ASTN2: variants seen among roughly 807,000 people sequenced by gnomAD.
ASTN2 encodes astrotactin 2.
In ASTN2, 54 loss-of-function variants were observed where a neutral mutation model predicts 139.8. That is an observed-to-expected ratio of 0.39 (90% CI 0.31 to 0.48). The LOEUF (loss-of-function observed/expected upper bound fraction) is 0.48. ASTN2 is among the 20% of genes least tolerant of loss of function. ASTN2 has a pLI of 0.95. For synonymous variants in ASTN2, 756 were observed against 719.5 expected (o/e 1.05, Z -0.81); for missense variants, 1,565 against 1,725.1 (o/e 0.91, Z 1.64).
At chr9:117,361,044 C>T (rs1466916391) in intron 1 of ASTN2, among the ~76,000 whole-genome samples, 1 of 152,096 alleles carries the variant, frequency 6.6e-6, no homozygotes, top group African/African-American at 2.4e-5. Flanking sequence ...TTCTCAATCT[C>T]AGGGGGATTG....
chr9:117,213,151 G>A (rs1352400969), intron 3 of ASTN2, among the ~76,000 whole-genome samples: 1 of 152,070 alleles, frequency 6.6e-6, no homozygotes, highest in Non-Finnish European at 1.5e-5. Flanking sequence ...TGGAACTGAA[G>A]AACATTATAT....
At chr9:117,268,090 C>A (rs1833977590) in intron 2 of ASTN2, among the ~76,000 whole-genome samples, 1 of 152,202 alleles carries the variant, frequency 6.6e-6, no homozygotes, top group Admixed American at 6.5e-5. Context: ...TCTAAACTTA[C>A]TTTCATTACC....
chr9:117,166,001 A>T (rs916728129), intron 3 of ASTN2, among the ~76,000 whole-genome samples: 8 of 152,172 alleles, frequency 5.3e-5, no homozygotes, highest in Non-Finnish European at 1.0e-4. Context: ...AAACATAATC[A>T]TGGAGTAAAA....
intron 19 of ASTN2, among the ~76,000 whole-genome samples, chr9:116,501,055 C>T (rs894862375): frequency 1.2e-4 from 18 of 152,130 alleles, no homozygotes; most frequent in Non-Finnish European, 4.4e-5. Flanking sequence ...CACCTCAAAG[C>T]CTGCCATTAA....
intron 6 of ASTN2, among the ~76,000 whole-genome samples, chr9:117,009,660 T>A (rs1319517082): frequency 6.6e-6 from 1 of 152,198 alleles, no homozygotes; most frequent in Non-Finnish European, 1.5e-5. Context: ...ACTCAGCTTC[T>A]CTCCTTGTTT....
chr9:116,618,430 G>A lies in ASTN2; in HGVS notation c.3249C>T (p.Val1083=). The A allele has an allele frequency of 6.2e-7, 1 of 1,614,152 alleles. No individual in the cohort carries two copies. Among genetic ancestry groups the A allele is most frequent in the Non-Finnish European group, 8.5e-7 (1 of 1,179,994 alleles). ...SPTVEPSSTV[V]SLEWVDVQPA... Reference sequence around the variant, plus strand: ...GCTGAACATCCACCCACTCCAAGGAGACCACAGTACTGGAGGGCTCCACTG... The same window carrying A: ...GCTGAACATCCACCCACTCCAAGGAAACCACAGTACTGGAGGGCTCCACTG... Residue 1083 remains valine (V), a synonymous_variant, in exon 19 of 23, where the codon GTC becomes GTT. Coordinates refer to ENST00000313400, the MANE Select transcript of ASTN2 (RefSeq NM_001365068.1).
chr9:116,891,830 A>G (rs1833769794), intron 10 of ASTN2, among the ~76,000 whole-genome samples: 1 of 152,244 alleles, frequency 6.6e-6, no homozygotes, highest in South Asian at 2.1e-4. Context: ...AATAGGAATA[A>G]CAATACCATC....
chr9:116,665,863 G>A (rs1858831400), intron 16 of ASTN2, among the ~76,000 whole-genome samples: 1 of 151,972 alleles, frequency 6.6e-6, no homozygotes, highest in Admixed American at 6.6e-5. Context: ...CCAAAACCAA[G>A]AAACAAATAA....
At chr9:116,745,422 G>A (rs1437508069) in intron 13 of ASTN2, among the ~76,000 whole-genome samples, 2 of 152,100 alleles carry the variant, frequency 1.3e-5, no homozygotes, top group South Asian at 2.1e-4. Flanking sequence ...TCGTGGTGTC[G>A]TCTCCTTCAG....
intron 20 of ASTN2, among the ~76,000 whole-genome samples, chr9:116,483,435 G>A (rs1849237071): frequency 6.6e-6 from 1 of 152,058 alleles, no homozygotes; most frequent in African/African-American, 2.4e-5. Context: ...TGCCTTCCTA[G>A]GTGGTGTGGA....
intron 1 of ASTN2, among the ~76,000 whole-genome samples, chr9:117,346,031 A>G (rs1829205443): frequency 6.6e-6 from 1 of 151,714 alleles, no homozygotes; most frequent in Non-Finnish European, 1.5e-5. Context: ...AAAAAAGGAA[A>G]AGGAAAAATT....
At chr9:116,469,438 A>C (rs2119002892) in intron 20 of ASTN2, among the ~76,000 whole-genome samples, 1 of 152,222 alleles carries the variant, frequency 6.6e-6, no homozygotes, top group African/African-American at 2.4e-5. Context: ...TTTAGGGCAA[A>C]CCCTGCCTCA....
At chr9:116,498,714 C>T (rs1849754147) in intron 19 of ASTN2, among the ~76,000 whole-genome samples, 1 of 152,072 alleles carries the variant, frequency 6.6e-6, no homozygotes, top group South Asian at 2.1e-4. Context: ...GTAGATGTTG[C>T]TAAGGAAAAT....
At chr9:117,103,394 T>C (rs910435637) in intron 4 of ASTN2, among the ~76,000 whole-genome samples, 2 of 152,148 alleles carry the variant, frequency 1.3e-5, no homozygotes, top group African/African-American at 4.8e-5. Flanking sequence ...ATGGCATAGA[T>C]ATTTGGTGGT....
intron 3 of ASTN2, among the ~76,000 whole-genome samples, chr9:117,164,387 G>A (rs1242345203): frequency 2.0e-5 from 3 of 152,104 alleles, no homozygotes; most frequent in Non-Finnish European, 4.4e-5. Context: ...GTATCACCTG[G>A]TGAGACTGTC....
chr9:117,234,108 G>T (rs1325612734), intron 2 of ASTN2, among the ~76,000 whole-genome samples: 1 of 152,154 alleles, frequency 6.6e-6, no homozygotes, highest in Non-Finnish European at 1.5e-5. Flanking sequence ...GCAGCAGAAA[G>T]GGGGAGTTAG....
intron 19 of ASTN2, among the ~76,000 whole-genome samples, chr9:116,504,752 T>C (rs1371709333): frequency 1.3e-5 from 2 of 151,702 alleles, no homozygotes; most frequent in East Asian, 3.9e-4. Context: ...AAAAATTAAC[T>C]GGGTGTTGTA....
intron 7 of ASTN2, among the ~76,000 whole-genome samples, chr9:116,979,479 A>G (rs1836447616): frequency 6.6e-6 from 1 of 152,206 alleles, no homozygotes; most frequent in Non-Finnish European, 1.5e-5. Context: ...GAAAAGGCTA[A>G]GAGCCTTGAA....
intron 19 of ASTN2, among the ~76,000 whole-genome samples, chr9:116,589,498 T>C (rs1420112769): frequency 1.3e-5 from 2 of 152,150 alleles, no homozygotes; most frequent in Non-Finnish European, 2.9e-5. Context: ...AAGGGAGAAA[T>C]GCAACAGGTC....
Sources: allele counts gnomAD v4.1 joint callset (sites outside exome capture counted in the v4.1 genomes callset), GRCh38; gene constraint gnomAD v4.1.1; transcripts MANE v1.5; gene names NCBI Gene and HGNC (gene_info 2026-07-23, HGNC 2026-07-21).